Variants in SLC4A4 observed in about 807,000 individuals in gnomAD.
The protein encoded by SLC4A4 is electrogenic sodium bicarbonate cotransporter 1.
Under a neutral mutation model 111.5 loss-of-function variants are expected in SLC4A4, and 27 were observed. The observed-to-expected ratio is 0.24, with a 90% CI of 0.18 to 0.33. The LOEUF (loss-of-function observed/expected upper bound fraction) is 0.33, where lower values mean the gene tolerates loss of function less well. Ranked by LOEUF, SLC4A4 falls within the 10% of genes least tolerant of loss-of-function variation. The probability of loss-of-function intolerance (pLI) is 1.00; values close to 1 mark genes in which losing one functional copy is unlikely to be tolerated. For synonymous variants in SLC4A4, 443 were observed against 463.4 expected (o/e 0.96, Z 0.57); for missense variants, 909 against 1,315.5 (o/e 0.69, Z 4.78).
intron 3 of SLC4A4, among the ~76,000 whole-genome samples, chr4:71,311,025 A>G (rs1009562256): frequency 2.0e-5 from 3 of 152,178 alleles, no homozygotes; most frequent in African/African-American, 7.2e-5. Context: ...ACAAACAACA[A>G]AACTTAGGGG....
intron 3 of SLC4A4, among the ~76,000 whole-genome samples, chr4:71,303,235 G>T (rs74334751): frequency 6.6e-6 from 1 of 152,216 alleles, no homozygotes. Flanking sequence ...GGGAGGTAGA[G>T]GAGTTTATTG....
intron 1 of SLC4A4, among the ~76,000 whole-genome samples, chr4:71,214,584 T>G (rs1578607625): frequency 6.6e-6 from 1 of 152,366 alleles, no homozygotes; most frequent in African/African-American, 2.4e-5. Flanking sequence ...TTTTGTTTTG[T>G]TGAGTTCTGT....
chr4:71,409,993 G>A (rs1211468448), intron 7 of SLC4A4, among the ~76,000 whole-genome samples: 1 of 152,224 alleles, frequency 6.6e-6, no homozygotes, highest in African/African-American at 2.4e-5. Context: ...TGTTGAGCCT[G>A]CGAGCGCACA....
rs1242507218 is a variant in SLC4A4 at position 71,107,642 on chromosome 4, C to G, written c.-2+14850C>G. Among the ~76,000 whole-genome samples, 3 of 152,130 alleles carry G rather than the reference C, an allele frequency of 2.0e-5. No individual in the cohort carries two copies. In the East Asian group the frequency reaches 5.8e-4, roughly 29 times the overall value. ...GGGATTATAGACAAAAGACACTGCA[C>G]CCGGCTGTTTAGTTGATTTTTACAG... On this transcript the variant is annotated intron_variant, in intron 2 of 26. Coordinates refer to the SLC4A4 transcript ENST00000649996.
rs972941234 is a variant in SLC4A4, at chr4:71,236,105, G to C, written c.-1-471G>C. 3 of 1,011,112 alleles carry C rather than the reference G, an allele frequency of 3.0e-6. No homozygotes were observed. In the African/African-American group the frequency reaches 5.2e-5, roughly 18 times the overall value. 62.6% of individuals were successfully genotyped at this position (1,011,112 alleles called of 1,614,324 possible). A position where few individuals can be genotyped will look rare whatever the true frequency, so the allele number is the denominator to read the frequency against. ...CCTGTCGCTCTCTGCGTGTGGGTGG[G>C]TGTGCATGTGTGTGTGTGTGAGGGT... is the stretch of plus-strand genomic sequence containing the variant. On this transcript the variant is annotated intron_variant, in intron 1 of 25. Coordinates refer to ENST00000264485, the MANE Select transcript of SLC4A4 (RefSeq NM_001098484.3).
intron 3 of SLC4A4, among the ~76,000 whole-genome samples, chr4:71,337,148 G>A (rs970529696): frequency 6.6e-6 from 1 of 152,180 alleles, no homozygotes; most frequent in African/African-American, 2.4e-5. Flanking sequence ...ATGGACTGAA[G>A]AGCTAGCTGC....
chr4:71,185,639 G>T (rs1037630370), upstream of SLC4A4, among the ~76,000 whole-genome samples: 9 of 152,156 alleles, frequency 5.9e-5, no homozygotes, highest in Non-Finnish European at 1.0e-4. Context: ...TTTAAAGATA[G>T]AAACTTTTTA....
rs1216437491 is a variant in SLC4A4, at chr4:71,437,269, C to T, written c.808-3347C>T. 8.3e-5 allele frequency: 30 copies of T among 362,746 alleles called. 1 individual carries two copies. Among genetic ancestry groups the T allele is most frequent in the South Asian group, 4.3e-4 (16 of 37,616 alleles). 22.5% of individuals were successfully genotyped at this position (362,746 alleles called of 1,614,324 possible). A position where few individuals can be genotyped will look rare whatever the true frequency, so the allele number is the denominator to read the frequency against. On this transcript the variant is annotated intron_variant, in intron 7 of 25. Coordinates refer to ENST00000264485, the MANE Select transcript of SLC4A4 (RefSeq NM_001098484.3). ...ATCAAGCCTTTGCCCAGTGAAGAAA[C>T]GGAAATGGGGAGTGTCCAGATTACA...
chr4:71,284,678 A>G (rs1166183764), intron 3 of SLC4A4, among the ~76,000 whole-genome samples: 1 of 152,234 alleles, frequency 6.6e-6, no homozygotes, highest in African/African-American at 2.4e-5. Context: ...CTTACCAGTC[A>G]ACTCTGTTTT....
intron 2 of SLC4A4, among the ~76,000 whole-genome samples, chr4:71,178,348 C>T (rs986059360): frequency 8.6e-5 from 13 of 151,104 alleles, no homozygotes; most frequent in African/African-American, 2.9e-4. Context: ...CAAGAAATAA[C>T]TAAGATCAGA....
chr4:71,495,574 T>A (rs996033268), intron 15 of SLC4A4, among the ~76,000 whole-genome samples: 1 of 152,122 alleles, frequency 6.6e-6, no homozygotes, highest in Non-Finnish European at 1.5e-5. Flanking sequence ...AGTTTGTTTT[T>A]TATTGACTTA....
chr4:71,368,069 G>A (rs1025448298), intron 6 of SLC4A4, among the ~76,000 whole-genome samples: 2 of 152,062 alleles, frequency 1.3e-5, no homozygotes, highest in African/African-American at 4.8e-5. Context: ...GTAGTCTGAT[G>A]GCTAGATATT....
intron 1 of SLC4A4, among the ~76,000 whole-genome samples, chr4:71,197,526 C>A (rs1746061449): frequency 6.6e-6 from 1 of 152,062 alleles, no homozygotes; most frequent in African/African-American, 2.4e-5. Flanking sequence ...TGTTTTTAAA[C>A]ACAGGCTCAC....
chr4:71,509,825 T>C (rs1369172667), intron 16 of SLC4A4, among the ~76,000 whole-genome samples: 1 of 152,144 alleles, frequency 6.6e-6, no homozygotes, highest in Non-Finnish European at 1.5e-5. Context: ...GGTTCTTAGT[T>C]GTACTGTTGG....
chr4:71,099,260 C>T (rs1742647434), intron 2 of SLC4A4, among the ~76,000 whole-genome samples: 1 of 152,080 alleles, frequency 6.6e-6, no homozygotes, highest in Non-Finnish European at 1.5e-5. Context: ...TACTTTTGGA[C>T]CATAGTGTGA....
At chr4:71,163,227 G>A (rs967589911) in intron 2 of SLC4A4, among the ~76,000 whole-genome samples, 3 of 152,230 alleles carry the variant, frequency 2.0e-5, no homozygotes, top group Non-Finnish European at 4.4e-5. Context: ...TGTCATTCCA[G>A]TTTTATTAGG....
chr4:71,465,553 C>T (rs1727232629), intron 12 of SLC4A4, among the ~76,000 whole-genome samples: 1 of 150,580 alleles, frequency 6.6e-6, no homozygotes, highest in South Asian at 2.1e-4. Flanking sequence ...TTTGCACCAA[C>T]CTAACTACTA....
In SLC4A4 at chr4:71,318,820, G is replaced by GTTT. The variant is rs201579524; in HGVS notation, c.254-20535_254-20533dup. ...TTAGGTTCTTGTTCTGAAAAATTAA[G>GTTT]TTTTTTTTTTTTTTTTTAAGGAACA... On this transcript the variant is annotated intron_variant, in intron 3 of 25. Transcript: ENST00000264485. 7.6e-3 allele frequency among the ~76,000 whole-genome samples: 1,016 copies of GTTT among 133,748 alleles called. 10 individuals are homozygous for GTTT. Among genetic ancestry groups the GTTT allele is most frequent in the African/African-American group, 0.024 (888 of 36,642 alleles). 87.7% of individuals were successfully genotyped at this position (133,748 alleles called of 152,430 possible). A position where few individuals can be genotyped will look rare whatever the true frequency, so the allele number is the denominator to read the frequency against.
At chr4:71,557,482 C>T (rs1305830186) in intron 21 of SLC4A4, among the ~76,000 whole-genome samples, 1 of 151,818 alleles carries the variant, frequency 6.6e-6, no homozygotes, top group Non-Finnish European at 1.5e-5. Context: ...CTTTAGTGGC[C>T]ACTTTTTCTT....
Sources: gnomAD v4.1 joint callset for allele counts (sites outside exome capture counted in the v4.1 genomes callset) on GRCh38, gnomAD v4.1.1 for gene constraint, MANE v1.5 for transcripts, NCBI Gene and HGNC (gene_info 2026-07-23, HGNC 2026-07-21) for gene names.